Variants in DMC1 observed in about 807,000 individuals in gnomAD.
DMC1 encodes the protein DNA meiotic recombinase 1.
In DMC1, 27 loss-of-function variants were observed where a neutral mutation model predicts 50.1. The ratio of observed to expected loss-of-function variants is 0.54; its 90% CI spans 0.40 to 0.74. The LOEUF (loss-of-function observed/expected upper bound fraction) is 0.74, where lower values mean the gene tolerates loss of function less well. DMC1 is among the 30% of genes least tolerant of loss of function. The probability of loss-of-function intolerance (pLI) is 0.00; values close to 1 mark genes in which losing one functional copy is unlikely to be tolerated. For synonymous variants in DMC1, 148 were observed against 136.1 expected (o/e 1.09, Z -0.61); for missense variants, 295 against 420.2 (o/e 0.70, Z 2.60).
intron 8 of DMC1, among the ~76,000 whole-genome samples, chr22:38,544,289 A>G (rs1443930334): frequency 6.6e-6 from 1 of 152,218 alleles, no homozygotes; most frequent in Non-Finnish European, 1.5e-5. Flanking sequence ...CCTGCCTTTC[A>G]TTCTATTCAA....
intron 12 of DMC1, among the ~76,000 whole-genome samples, chr22:38,530,915 C>T (rs2090145357): frequency 6.6e-6 from 1 of 152,090 alleles, no homozygotes; most frequent in Admixed American, 6.6e-5. Context: ...ACTAAAAATA[C>T]AAAAATTAGC....
downstream of DMC1, among the ~76,000 whole-genome samples, chr22:38,518,604 C>A (rs909683649): frequency 2.6e-5 from 4 of 151,854 alleles, no homozygotes; most frequent in African/African-American, 9.7e-5. Context: ...TATCTTGGCT[C>A]AATGCAACCT....
intron 12 of DMC1, among the ~76,000 whole-genome samples, chr22:38,525,079 T>TA (rs1569153380): frequency 9.9e-5 from 15 of 151,066 alleles, no homozygotes; most frequent in African/African-American, 3.2e-4. Flanking sequence ...ATAAATAAAT[T>TA]AATTAATTAA....
At chr22:38,546,217 C>G (rs369743663) in intron 8 of DMC1, 25 of 152,314 alleles carry the variant, frequency 1.6e-4, no homozygotes, top group African/African-American at 6.0e-4. Flanking sequence ...ATGGAGAAAC[C>G]CTGTCTCTAC....
At chr22:38,540,019 C>T (rs2090262960) in intron 8 of DMC1, among the ~76,000 whole-genome samples, 1 of 152,098 alleles carries the variant, frequency 6.6e-6, no homozygotes. Context: ...ACTTCAAGGG[C>T]CCAGAAGAGA....
In DMC1 at chr22:38,555,376, T is replaced by G; in HGVS notation, c.360A>C (p.Ala120=). 1 of 1,609,684 alleles carries G rather than the reference T, an allele frequency of 6.2e-7. No individual in the cohort carries two copies. The highest frequency in any genetic ancestry group is 8.5e-7 in the Non-Finnish European group (1 of 1,176,284). The change falls in exon 6 of 14, where the codon GCA becomes GCC. Residue 120 remains alanine (A), a synonymous_variant. Transcript: ENST00000216024. ...KLLGGGIESM[A]ITEAFGEFRT... is the part of the protein sequence containing the mutation. ...ACCTACCTCCAAAAGCTTCTGTAAT[T>G]GCCATACTTTCAATTCCACCTCCTA...
At chr22:38,553,265 G>T (rs899283295) in intron 6 of DMC1, among the ~76,000 whole-genome samples, 10 of 151,038 alleles carry the variant, frequency 6.6e-5, no homozygotes, top group African/African-American at 2.4e-4. Context: ...TTGGGAGGCT[G>T]AGGCGGGTGG....
intron 8 of DMC1, 79 bp downstream of exon 8, chr22:38,549,846 G>T: frequency 9.3e-7 from 1 of 1,073,154 alleles, no homozygotes; most frequent in Admixed American, 1.8e-5. Context: ...TACAAAGATT[G>T]TATATCTCAG....
the DMC1 span, among the ~76,000 whole-genome samples, chr22:38,509,295 A>G: frequency 6.6e-6 from 1 of 151,888 alleles, no homozygotes; most frequent in Admixed American, 6.6e-5. Context: ...TCCGTTAGCT[A>G]TTCTTCTCGA....
At chr22:38,546,386 T>G (rs2145909353) in intron 8 of DMC1, among the ~76,000 whole-genome samples, 1 of 151,394 alleles carries the variant, frequency 6.6e-6, no homozygotes, top group East Asian at 1.9e-4. Flanking sequence ...TGAAACTCCA[T>G]CTCGAAAAAA....
chr22:38,554,127 T>G (rs2090444138), intron 6 of DMC1, among the ~76,000 whole-genome samples: 1 of 151,720 alleles, frequency 6.6e-6, no homozygotes. Flanking sequence ...AGACTCCATC[T>G]CTAAATAAAT....
chr22:38,527,693 A>G (rs1386747671), intron 12 of DMC1, among the ~76,000 whole-genome samples: 1 of 150,898 alleles, frequency 6.6e-6, no homozygotes, highest in African/African-American at 2.4e-5. Flanking sequence ...TAATTTTTGT[A>G]TATTTAGTAG....
At chr22:38,542,555 G>A (rs533605280) in intron 8 of DMC1, among the ~76,000 whole-genome samples, 27 of 152,196 alleles carry the variant, frequency 1.8e-4, no homozygotes, top group Non-Finnish European at 7.4e-5. Context: ...CATTGAAGAG[G>A]ACACACAAAA....
At chr22:38,528,223 A>T (rs2090115831) in intron 12 of DMC1, among the ~76,000 whole-genome samples, 1 of 151,502 alleles carries the variant, frequency 6.6e-6, no homozygotes, top group African/African-American at 2.4e-5. Context: ...CATCACACTC[A>T]GCTAATTCTT....
chr22:38,520,137 TA>T (rs1368131189), intron 13 of DMC1, 48 bp from the exon 14 acceptor site: 27 of 1,437,740 alleles, frequency 1.9e-5, no homozygotes, highest in Non-Finnish European at 2.3e-5. Flanking sequence ...TCTATTTCTA[TA>T]AATACTATAT....
chr22:38,535,697 T>G (rs1022796983), intron 12 of DMC1, among the ~76,000 whole-genome samples: 2 of 151,792 alleles, frequency 1.3e-5, no homozygotes, highest in Admixed American at 1.3e-4. Flanking sequence ...AACCTCTGCC[T>G]CCCAGGTTCA....
intron 12 of DMC1, among the ~76,000 whole-genome samples, chr22:38,525,075 A>AAATT (rs964944522): frequency 1.3e-5 from 2 of 152,216 alleles, no homozygotes; most frequent in South Asian, 2.1e-4. Flanking sequence ...ATAAATAAAT[A>AAATT]AATTAATTAA....
intron 9 of DMC1, among the ~76,000 whole-genome samples, chr22:38,538,877 A>G (rs1343648640): frequency 6.6e-6 from 1 of 152,070 alleles, no homozygotes; most frequent in African/African-American, 2.4e-5. Context: ...TCTACTAAAA[A>G]ATACAAAAAT....
intron 4 of DMC1, among the ~76,000 whole-genome samples, chr22:38,564,169 A>C (rs895025644): frequency 2.0e-5 from 3 of 152,204 alleles, no homozygotes; most frequent in Non-Finnish European, 4.4e-5. Flanking sequence ...ACCTTGTCTC[A>C]AAAATAAATG....
Sources: gnomAD v4.1 joint callset for allele counts (sites outside exome capture counted in the v4.1 genomes callset) on GRCh38, gnomAD v4.1.1 for gene constraint, MANE v1.5 for transcripts, NCBI Gene and HGNC (gene_info 2026-07-23, HGNC 2026-07-21) for gene names.